ENOX1: variants seen among roughly 807,000 people sequenced by gnomAD.
ENOX1 encodes the protein ecto-NOX disulfide-thiol exchanger 1.
In ENOX1, 42 loss-of-function variants were observed where a neutral mutation model predicts 82.5. The observed-to-expected ratio is 0.51, with a 90% CI of 0.40 to 0.66. The LOEUF is 0.66. Ranked by LOEUF, ENOX1 falls within the 30% of genes least tolerant of loss-of-function variation. The pLI is 0.00. For synonymous variants in ENOX1, 271 were observed against 282.2 expected, an observed-to-expected ratio of 0.96 and a Z score of 0.40; for missense variants, 608 against 811.6, an observed-to-expected ratio of 0.75 and a Z score of 3.05.
chr13:43,729,824 T>G (rs1269908762), intron 1 of ENOX1, among the ~76,000 whole-genome samples: 2 of 152,230 alleles, frequency 1.3e-5, no homozygotes, highest in Non-Finnish European at 2.9e-5. Context: ...TAAAGCTGGG[T>G]GTGTAAACGG....
chr13:43,691,729 C>G (rs547108087), intron 1 of ENOX1, among the ~76,000 whole-genome samples: 89 of 145,842 alleles, frequency 6.1e-4, no homozygotes, highest in Middle Eastern at 3.5e-3. Flanking sequence ...GAGACAGAGT[C>G]TCTTTCTGTC....
intron 2 of ENOX1, among the ~76,000 whole-genome samples, chr13:43,500,896 C>T (rs922428385): frequency 2.6e-5 from 4 of 151,654 alleles, no homozygotes; most frequent in Admixed American, 1.3e-4. Flanking sequence ...GTTTTATGTA[C>T]ACCTCATGGT....
chr13:43,783,737 T>A (rs1008790883), intron 1 of ENOX1, among the ~76,000 whole-genome samples: 1 of 152,210 alleles, frequency 6.6e-6, no homozygotes, highest in African/African-American at 2.4e-5. Context: ...ATCCTCCCAA[T>A]CTTGCATTTT....
At chr13:43,454,216 C>A (rs193066612) in intron 3 of ENOX1, among the ~76,000 whole-genome samples, 51 of 152,190 alleles carry the variant, frequency 3.4e-4, no homozygotes, top group Admixed American at 1.6e-3. Context: ...TCCCTTCCCC[C>A]ACTTTGCCTA....
At position 43,643,646 on chromosome 13, in the gene ENOX1, T is replaced by TAC. The variant is rs1157935660; in HGVS notation, c.-219+23832_-219+23833insGT. 6.6e-5 allele frequency among the ~76,000 whole-genome samples: 10 copies of TAC among 151,280 alleles called. No homozygotes were observed. The South Asian group carries it at 1.7e-3, about 25-fold the overall frequency. ...GTATGTGTGTGTGTATATATATATA[T>TAC]ATACACACACATATATATATACATG... is the stretch of plus-strand genomic sequence containing the variant. On this transcript the variant is annotated intron_variant, in intron 2 of 16. Coordinates refer to ENST00000690772, the MANE Select transcript of ENOX1 (RefSeq NM_001347969.2).
At chr13:43,373,305 C>T (rs1227706297) in intron 5 of ENOX1, among the ~76,000 whole-genome samples, 1 of 152,126 alleles carries the variant, frequency 6.6e-6, no homozygotes, top group African/African-American at 2.4e-5. Flanking sequence ...AGTTTCTCTA[C>T]AAAAGAAACT....
chr13:43,612,505 GGTCCGATT>G (rs1935578942), intron 2 of ENOX1, among the ~76,000 whole-genome samples: 1 of 143,828 alleles, frequency 7.0e-6, no homozygotes, highest in African/African-American at 2.5e-5. Context: ...CAGCTAGAAA[GGTCCGATT>G]TTTTTTGCAA....
At chr13:43,431,936 T>C (rs1025625026) in intron 3 of ENOX1, among the ~76,000 whole-genome samples, 1 of 152,134 alleles carries the variant, frequency 6.6e-6, no homozygotes, top group African/African-American at 2.4e-5. Context: ...TGAACCACTA[T>C]TCCTCTGGCC....
intron 15 of ENOX1, among the ~76,000 whole-genome samples, chr13:43,234,329 T>A (rs2042421197): frequency 6.6e-6 from 1 of 152,108 alleles, no homozygotes; most frequent in Admixed American, 6.6e-5. Context: ...GGCAAGGAAA[T>A]CACATCTGTT....
At chr13:43,771,821 G>A (rs1449317990) in intron 1 of ENOX1, among the ~76,000 whole-genome samples, 1 of 151,514 alleles carries the variant, frequency 6.6e-6, no homozygotes, top group Non-Finnish European at 1.5e-5. Context: ...TTGGAGTGCA[G>A]TGGCGCCATC....
chr13:43,363,250 T>C (rs1017274422), intron 5 of ENOX1, among the ~76,000 whole-genome samples: 2 of 152,184 alleles, frequency 1.3e-5, no homozygotes, highest in African/African-American at 4.8e-5. Context: ...TTAAAGTACT[T>C]AAGTAAAACT....
chr13:43,621,506 T>C (rs2082729817), intron 2 of ENOX1, among the ~76,000 whole-genome samples: 1 of 152,206 alleles, frequency 6.6e-6, no homozygotes, highest in African/African-American at 2.4e-5. Flanking sequence ...TTCCTTCATA[T>C]ATAATGCTTA....
At chr13:43,558,659 C>T (rs961261517) in intron 2 of ENOX1, among the ~76,000 whole-genome samples, 4 of 152,068 alleles carry the variant, frequency 2.6e-5, no homozygotes, top group African/African-American at 4.8e-5. Context: ...ACAGACTGGA[C>T]GATTCATTTG....
chr13:43,531,628 T>C (rs1207631405), intron 2 of ENOX1, among the ~76,000 whole-genome samples: 4 of 144,372 alleles, frequency 2.8e-5, no homozygotes, highest in Admixed American at 7.2e-5. Flanking sequence ...TGCACACATA[T>C]GTTTATTGTG....
At chr13:43,295,433 C>T (rs1255481867) in intron 12 of ENOX1, among the ~76,000 whole-genome samples, 3 of 152,120 alleles carry the variant, frequency 2.0e-5, no homozygotes, top group African/African-American at 4.8e-5. Flanking sequence ...GAACCCTGCC[C>T]ATAGTGTTTT....
At chr13:43,416,693 G>A in intron 3 of ENOX1, among the ~76,000 whole-genome samples, 1 of 147,756 alleles carries the variant, frequency 6.8e-6, no homozygotes, top group Admixed American at 6.7e-5. Flanking sequence ...CAGATGGGGT[G>A]GCGGCCAGGC....
intron 2 of ENOX1, among the ~76,000 whole-genome samples, chr13:43,579,227 C>G (rs981097253): frequency 1.3e-5 from 2 of 152,076 alleles, no homozygotes; most frequent in Admixed American, 1.3e-4. Flanking sequence ...GGTGGCTTAA[C>G]AAAATGTGGG....
In ENOX1 at chr13:43,470,295, C is replaced by T. The variant is rs1323089165; in HGVS notation, c.-75+13714G>A. Among the ~76,000 whole-genome samples, 62 of 45,222 alleles carry T rather than the reference C, an allele frequency of 1.4e-3. 1 individual carries two copies. Among genetic ancestry groups the T allele is most frequent in the Non-Finnish European group, 2.7e-3 (52 of 19,462 alleles). 29.7% of individuals were successfully genotyped at this position (45,222 alleles called of 152,430 possible). A position where few individuals can be genotyped will look rare whatever the true frequency, so the allele number is the denominator to read the frequency against. ...ACACATATATATACATATATATATA[C>T]ACATATATATACATATATATACACA... On this transcript the variant is annotated intron_variant, in intron 3 of 16. Coordinates refer to ENST00000690772, the MANE Select transcript of ENOX1 (RefSeq NM_001347969.2).
intron 2 of ENOX1, among the ~76,000 whole-genome samples, chr13:43,505,577 C>G (rs1254621463): frequency 3.9e-5 from 6 of 151,982 alleles, no homozygotes; most frequent in African/African-American, 1.4e-4. Flanking sequence ...CTGTTTATAT[C>G]CTTCGCCCAC....
Sources: allele counts gnomAD v4.1 joint callset (sites outside exome capture counted in the v4.1 genomes callset), GRCh38; gene constraint gnomAD v4.1.1; transcripts MANE v1.5; gene names NCBI Gene and HGNC (gene_info 2026-07-23, HGNC 2026-07-21).